The following ATXN1 variants were observed in gnomAD, a reference collection of about 807,000 sequenced individuals.
The protein encoded by ATXN1 is ataxin 1.
Under a neutral mutation model 56.4 loss-of-function variants are expected in ATXN1, and 8 were observed. The ratio of observed to expected loss-of-function variants is 0.14; its 90% CI spans 0.08 to 0.26. The LOEUF (loss-of-function observed/expected upper bound fraction) is 0.26, where lower values mean the gene tolerates loss of function less well. Ranked by LOEUF, ATXN1 falls within the 10% of genes least tolerant of loss-of-function variation. The pLI, the probability that ATXN1 is intolerant of heterozygous loss-of-function variation, is 1.00. For synonymous variants in ATXN1, 514 were observed against 494.6 expected (o/e 1.04, Z -0.52); for missense variants, 987 against 1,106.5 (o/e 0.89, Z 1.53).
chr6:16,524,528 A>C (rs745836378), intron 4 of ATXN1, among the ~76,000 whole-genome samples: 5 of 152,256 alleles, frequency 3.3e-5, no homozygotes, highest in Non-Finnish European at 5.9e-5. Flanking sequence ...GCTGAGTCAC[A>C]GAGGAGCTGT....
chr6:16,558,159 G>C (rs1416587137), intron 4 of ATXN1, among the ~76,000 whole-genome samples: 1 of 152,018 alleles, frequency 6.6e-6, no homozygotes, highest in African/African-American at 2.4e-5. Context: ...CATTGTGGCT[G>C]GGCACAGTGG....
At chr6:16,345,016 C>T (rs958272629) in intron 6 of ATXN1, among the ~76,000 whole-genome samples, 1 of 152,216 alleles carries the variant, frequency 6.6e-6, no homozygotes, top group East Asian at 1.9e-4. Flanking sequence ...TTCTAGGGTG[C>T]TGTCCGTCCT....
At chr6:16,680,145 T>C (rs1428681003) in intron 2 of ATXN1, among the ~76,000 whole-genome samples, 1 of 152,172 alleles carries the variant, frequency 6.6e-6, no homozygotes, top group Non-Finnish European at 1.5e-5. Flanking sequence ...ATAAATTCTA[T>C]CAGAATGTGT....
intron 6 of ATXN1, among the ~76,000 whole-genome samples, chr6:16,453,941 GACCAGCCTGGCCAACATGGCAAA>G (rs1759808904): frequency 6.6e-6 from 1 of 151,934 alleles, no homozygotes; most frequent in African/African-American, 2.4e-5. Context: ...AGGAGTTCAA[GACCAGCCTGGCCAACATGGCAAA>G]ACCCCGTCTC....
At chr6:16,521,551 C>T (rs750390056) in intron 5 of ATXN1, among the ~76,000 whole-genome samples, 4 of 152,176 alleles carry the variant, frequency 2.6e-5, no homozygotes, top group Non-Finnish European at 5.9e-5. Flanking sequence ...GAGGGAGATC[C>T]GTCTCAAAGT....
chr6:16,690,779 C>G (rs1256480192), intron 2 of ATXN1, among the ~76,000 whole-genome samples: 2 of 152,150 alleles, frequency 1.3e-5, no homozygotes, highest in Non-Finnish European at 2.9e-5. Flanking sequence ...CCAACCAGCA[C>G]CAATGTAGTC....
intron 6 of ATXN1, among the ~76,000 whole-genome samples, chr6:16,399,348 T>C (rs1472762440): frequency 2.6e-5 from 4 of 152,326 alleles, no homozygotes; most frequent in South Asian, 2.1e-4. Flanking sequence ...TAGCCAACAC[T>C]TTCTTGGAAA....
At chr6:16,653,514 A>T (rs1199269140) in intron 3 of ATXN1, among the ~76,000 whole-genome samples, 1 of 152,196 alleles carries the variant, frequency 6.6e-6, no homozygotes, top group Non-Finnish European at 1.5e-5. Flanking sequence ...GGAGCCAAGG[A>T]TAAAGCTTCT....
At chr6:16,664,911 C>T (rs577741604) in intron 2 of ATXN1, among the ~76,000 whole-genome samples, 1 of 152,130 alleles carries the variant, frequency 6.6e-6, no homozygotes, top group Non-Finnish European at 1.5e-5. Flanking sequence ...AATAGAAATA[C>T]TAATATACCC....
chr6:16,417,970 C>A (rs1276255632), intron 6 of ATXN1, among the ~76,000 whole-genome samples: 1 of 152,114 alleles, frequency 6.6e-6, no homozygotes, highest in Non-Finnish European at 1.5e-5. Flanking sequence ...AACCTCAGAG[C>A]TCTTGAGGTT....
chr6:16,586,119 C>A (rs902080221), intron 3 of ATXN1, among the ~76,000 whole-genome samples: 1 of 152,002 alleles, frequency 6.6e-6, no homozygotes, highest in Admixed American at 6.6e-5. Flanking sequence ...CACAGCAGGT[C>A]CCTATCCCCA....
At chr6:16,361,789 ATTACAT>A (rs552512057) in intron 6 of ATXN1, among the ~76,000 whole-genome samples, 11 of 152,314 alleles carry the variant, frequency 7.2e-5, no homozygotes, top group Non-Finnish European at 1.5e-4. Flanking sequence ...TATGGGAATC[ATTACAT>A]TTGATTTTCC....
intron 5 of ATXN1, among the ~76,000 whole-genome samples, chr6:16,517,624 A>G (rs1418857256): frequency 6.6e-6 from 1 of 152,216 alleles, no homozygotes; most frequent in Non-Finnish European, 1.5e-5. Context: ...TAGTAAGGGT[A>G]AAAGATATGT....
At chr6:16,432,653 A>C (rs556498565) in intron 6 of ATXN1, 1 of 152,170 alleles carries the variant, frequency 6.6e-6, no homozygotes, top group Admixed American at 6.5e-5. Flanking sequence ...TGCACACATA[A>C]GCACCACCAC....
At chr6:16,725,457 T>A (rs958810464) in intron 2 of ATXN1, among the ~76,000 whole-genome samples, 2 of 152,158 alleles carry the variant, frequency 1.3e-5, no homozygotes, top group Non-Finnish European at 2.9e-5. Flanking sequence ...CATGGGGGAT[T>A]AAGAAACACT....
At chr6:16,445,731 T>A (rs1469267047) in intron 6 of ATXN1, among the ~76,000 whole-genome samples, 18 of 137,528 alleles carry the variant, frequency 1.3e-4, no homozygotes, top group Admixed American at 1.0e-3. Flanking sequence ...TGTCCATGTG[T>A]TCTCATTGTT....
At chr6:16,573,765 T>C (rs567327676) in intron 4 of ATXN1, among the ~76,000 whole-genome samples, 1 of 152,258 alleles carries the variant, frequency 6.6e-6, no homozygotes, top group East Asian at 1.9e-4. Context: ...TGTCCCTTCC[T>C]CATGCTTTTG....
intron 4 of ATXN1, among the ~76,000 whole-genome samples, chr6:16,525,492 A>G (rs1345176030): frequency 1.3e-5 from 2 of 152,176 alleles, no homozygotes; most frequent in Non-Finnish European, 2.9e-5. Context: ...ACTCATGGAC[A>G]CAGAGAGTAG....
intron 6 of ATXN1, among the ~76,000 whole-genome samples, chr6:16,459,061 C>A (rs537497614): frequency 2.5e-4 from 38 of 152,346 alleles, no homozygotes; most frequent in African/African-American, 9.1e-4. Context: ...AGCCTGTAAC[C>A]AGGTATTTCT....
Sources: allele counts gnomAD v4.1 joint callset (sites outside exome capture counted in the v4.1 genomes callset), GRCh38; gene constraint gnomAD v4.1.1; transcripts MANE v1.5; gene names NCBI Gene and HGNC (gene_info 2026-07-23, HGNC 2026-07-21).